The following ATM variants were observed in gnomAD, a reference collection of about 807,000 sequenced individuals.
The protein encoded by ATM is ATM serine/threonine kinase.
Under a neutral mutation model 387.0 loss-of-function variants are expected in ATM, and 308 were observed. That is an observed-to-expected ratio of 0.80 (90% CI 0.73 to 0.87). The LOEUF (loss-of-function observed/expected upper bound fraction) is 0.87, where lower values mean the gene tolerates loss of function less well. ATM is among the 40% of genes least tolerant of loss of function. The pLI is 0.00. For synonymous variants in ATM, 1,156 were observed against 1,187.3 expected (o/e 0.97, Z 0.54); for missense variants, 3,312 against 3,560.9 (o/e 0.93, Z 1.78).
At chr11:108,263,916 C>T (rs997984438) in intron 16 of ATM, among the ~76,000 whole-genome samples, 1 of 149,632 alleles carries the variant, frequency 6.7e-6, no homozygotes, top group Non-Finnish European at 1.5e-5. Context: ...ATACACTCTC[C>T]CAAGACTAAA....
chr11:108,335,641 G>A (rs371032532), intron 55 of ATM, among the ~76,000 whole-genome samples: 12 of 152,226 alleles, frequency 7.9e-5, no homozygotes, highest in South Asian at 2.1e-4. Context: ...CAGAAGTAGC[G>A]AGGGGAAACT....
intron 57 of ATM, 57 bp downstream of exon 57, chr11:108,343,428 C>T: frequency 6.3e-7 from 1 of 1,590,598 alleles, no homozygotes; most frequent in Non-Finnish European, 8.6e-7. Flanking sequence ...CTTATTAAAG[C>T]TGACAGCTGT....
At chr11:108,253,000 T>C in intron 12 of ATM, 88 bp downstream of exon 12, 1 of 1,169,892 alleles carries the variant, frequency 8.5e-7, no homozygotes, top group East Asian at 2.5e-5. Context: ...AGCTGCATCT[T>C]AATAATTGTA....
intron 17 of ATM, among the ~76,000 whole-genome samples, chr11:108,267,690 C>G (rs1021894744): frequency 6.6e-6 from 1 of 152,050 alleles, no homozygotes; most frequent in Non-Finnish European, 1.5e-5. Context: ...AACCCCATCT[C>G]TACTAAAAAC....
At chr11:108,310,644 A>G (rs1240614669) in intron 39 of ATM, among the ~76,000 whole-genome samples, 1 of 152,116 alleles carries the variant, frequency 6.6e-6, no homozygotes, top group African/African-American at 2.4e-5. Context: ...ATATTTTTCA[A>G]ATGATTAAAT....
At position 108,365,746 on chromosome 11, in the gene ATM, G is replaced by C. The variant is rs2091280654; in HGVS notation, c.*238G>C. On this transcript the variant is annotated 3_prime_UTR_variant, in exon 63 of 63. Coordinates refer to ENST00000675843, the MANE Select transcript of ATM (RefSeq NM_000051.4). ...ATGGTCATTCGGGCTGGGCGCAGCG[G>C]CTCACGCCTGTAATCCCAGCACTTT... The C allele has an allele frequency of 7.3e-6, 4 of 546,072 alleles. No individual in the cohort carries two copies. Among genetic ancestry groups the C allele is most frequent in the Non-Finnish European group, 1.3e-5 (4 of 316,284 alleles). 33.8% of individuals were successfully genotyped at this position (546,072 alleles called of 1,614,324 possible). A position where few individuals can be genotyped will look rare whatever the true frequency, so the allele number is the denominator to read the frequency against.
At position 108,281,284 on chromosome 11, in the gene ATM, T is replaced by A. The variant is rs942562505; in HGVS notation, c.3576+116T>A. On this transcript the variant is annotated intron_variant, in intron 24 of 62. Transcript: ENST00000675843. Reference sequence around the variant, plus strand: ...ATTTAAGACTAGGAAACAATTTTATTTTTTAGGTTGGGAATATTGGAAAGC... The same window carrying A: ...ATTTAAGACTAGGAAACAATTTTATATTTTAGGTTGGGAATATTGGAAAGC... 44 of 1,089,626 alleles carry A rather than the reference T, an allele frequency of 4.0e-5. No individual in the cohort carries two copies. The South Asian group carries it at 5.7e-4, about 14-fold the overall frequency. 67.5% of individuals were successfully genotyped at this position (1,089,626 alleles called of 1,614,324 possible). A position where few individuals can be genotyped will look rare whatever the true frequency, so the allele number is the denominator to read the frequency against.
chr11:108,274,902 G>A (rs1188817227), intron 22 of ATM, among the ~76,000 whole-genome samples: 2 of 152,052 alleles, frequency 1.3e-5, no homozygotes, highest in African/African-American at 2.4e-5. Context: ...TCCAGAGTTC[G>A]GTTCAAGTCC....
chr11:108,282,169 C>T (rs1425633976), intron 24 of ATM, among the ~76,000 whole-genome samples: 1 of 151,688 alleles, frequency 6.6e-6, no homozygotes, highest in Non-Finnish European at 1.5e-5. Context: ...GCTCTGTCGC[C>T]CAGACTGGAG....
At chr11:108,236,854 G>C (rs1224445701) in intron 5 of ATM, among the ~76,000 whole-genome samples, 1 of 152,116 alleles carries the variant, frequency 6.6e-6, no homozygotes, top group East Asian at 1.9e-4. Context: ...TCAGTTTGTT[G>C]GTTTCAAAGA....
chr11:108,234,569 GC>G (rs1247400990), intron 4 of ATM, among the ~76,000 whole-genome samples: 1 of 152,168 alleles, frequency 6.6e-6, no homozygotes, highest in Non-Finnish European at 1.5e-5. Flanking sequence ...AAGCACAGTG[GC>G]TCATACCTAT....
chr11:108,294,952 G>T lies in ATM; in HGVS notation c.4802G>T (p.Ser1601Ile). 6.2e-7 allele frequency: 1 copy of T among 1,613,818 alleles called. No homozygotes were observed. Among genetic ancestry groups the T allele is most frequent in the Non-Finnish European group, 8.5e-7 (1 of 1,179,852 alleles). Residue 1601 changes from serine to isoleucine, a missense_variant, in exon 32 of 63, where the codon AGT becomes ATT. By Grantham distance (142) the Ser-to-Ile change is moderately radical (BLOSUM62 -2). This residue lies in a region of ATM where 1,405 missense variants were observed against 1,604.4 expected (regional missense o/e 0.88). Coordinates refer to ENST00000675843, the MANE Select transcript of ATM (RefSeq NM_000051.4). ...GAAATTAACCATTTTCTCTCAGTAAGTGTTTATGATGCACTTCCATTGACA... is the reference window on the plus strand; with the variant it reads ...GAAATTAACCATTTTCTCTCAGTAATTGTTTATGATGCACTTCCATTGACA... ...LEEINHFLSV[S>I]VYDALPLTRL...
intron 11 of ATM, 88 bp from the exon 12 acceptor site, chr11:108,252,729 T>C (rs2080221624): frequency 1.1e-6 from 1 of 930,460 alleles, no homozygotes; most frequent in East Asian, 2.6e-5. Flanking sequence ...GAAGTCAAGA[T>C]TTATAGCTAA....
rs1419404231 is a variant in ATM, at chr11:108,256,257, G to T, written c.2167G>T (p.Val723Leu). ...ETLVRCSRLL[V>L]GVLGCYCYMG... is the part of the protein sequence containing the mutation. ...TCTTGTCCGGTGTTCACGTCTTTTGGTGGGTGTCCTTGGCTGCTACTGTTA... is the reference window on the plus strand; with the variant it reads ...TCTTGTCCGGTGTTCACGTCTTTTGTTGGGTGTCCTTGGCTGCTACTGTTA... The change falls in exon 14 of 63, where the codon GTG (valine) becomes TTG (leucine). Residue 723 changes from valine to leucine, a missense_variant. Val to Leu is a conservative substitution (Grantham distance 32, BLOSUM62 1). Coordinates refer to ENST00000675843, the MANE Select transcript of ATM (RefSeq NM_000051.4). 2 of 1,610,058 alleles carry T rather than the reference G, an allele frequency of 1.2e-6. No individual in the cohort carries two copies. Among genetic ancestry groups the T allele is most frequent in the African/African-American group, 2.7e-5 (2 of 74,844 alleles).
intron 7 of ATM, among the ~76,000 whole-genome samples, chr11:108,246,507 A>G (rs2079854909): frequency 6.6e-6 from 1 of 152,218 alleles, no homozygotes; most frequent in African/African-American, 2.4e-5. Context: ...CAGATTTTGT[A>G]TAGTCAGCAT....
intron 45 of ATM, among the ~76,000 whole-genome samples, chr11:108,324,572 ATTGAAG>A (rs1246980708): frequency 6.6e-6 from 1 of 152,088 alleles, no homozygotes; most frequent in African/African-American, 2.4e-5. Context: ...TTAGAGAGGA[ATTGAAG>A]TTTTGGTTCC....
At chr11:108,239,806 T>C (rs531707355) in intron 5 of ATM, among the ~76,000 whole-genome samples, 2 of 152,352 alleles carry the variant, frequency 1.3e-5, no homozygotes, top group Admixed American at 1.3e-4. Context: ...GCACAACTAA[T>C]AGAAAATGAG....
chr11:108,324,690 T>C (rs1295247131), intron 45 of ATM, among the ~76,000 whole-genome samples: 1 of 152,216 alleles, frequency 6.6e-6, no homozygotes, highest in African/African-American at 2.4e-5. Flanking sequence ...CTCTTTCTTA[T>C]TTCTTTCAAT....
rs1013513956 is a variant in ATM, at chr11:108,253,949, T to A, written c.2034T>A (p.Ile678=). The change falls in exon 13 of 63, where the codon ATT becomes ATA. Residue 678 remains isoleucine, a synonymous_variant. Coordinates refer to ENST00000675843, the MANE Select transcript of ATM (RefSeq NM_000051.4). ...ECGIEKHQSS[I]GFSVHQNLKE... The stretch of plus-strand genomic sequence containing the variant: ...GTATAGAAAAGCACCAGTCCAGTAT[T>A]GGCTTCTCTGTCCACCAGAATCTCA... The A allele has an allele frequency of 6.2e-7, 1 of 1,614,116 alleles. No individual in the cohort carries two copies. The highest frequency in any genetic ancestry group is 8.5e-7 in the Non-Finnish European group (1 of 1,179,992).
Sources: gnomAD v4.1 joint callset for allele counts (sites outside exome capture counted in the v4.1 genomes callset) on GRCh38, gnomAD v4.1.1 for gene constraint, gnomAD v4.1.1 regional missense constraint, MANE v1.5 for transcripts, NCBI Gene and HGNC (gene_info 2026-07-23, HGNC 2026-07-21) for gene names.